EML6: variants seen among roughly 807,000 people sequenced by gnomAD.
EML6 encodes the protein echinoderm microtubule-associated protein-like 6.
In EML6, 154 loss-of-function variants were observed where a neutral mutation model predicts 240.1. The observed-to-expected ratio is 0.64, with a 90% CI of 0.56 to 0.73. EML6 has a LOEUF of 0.73. Ranked by LOEUF, EML6 falls within the 30% of genes least tolerant of loss-of-function variation. The pLI is 0.00. For synonymous variants in EML6, 1,148 were observed against 899.0 expected (o/e 1.28, Z -4.95); for missense variants, 2,964 against 2,474.6 (o/e 1.20, Z -4.20).
At chr2:54,737,380 C>T (rs7588695) in intron 2 of EML6, among the ~76,000 whole-genome samples, 24 of 152,034 alleles carry the variant, frequency 1.6e-4, no homozygotes, top group Admixed American at 3.3e-4. Context: ...CTCACTGCAA[C>T]CTCTGCCTCC....
In EML6 at chr2:54,858,682, G is replaced by A. The variant is rs1056491804; in HGVS notation, c.1658-852G>A. On this transcript the variant is annotated intron_variant, in intron 11 of 41. Transcript: ENST00000356458. Reference sequence around the variant, plus strand: ...AATGAGGCTTATCTGGTCAGAGCATGCTCTCAAAAAATGTATGAGCATGAC... The same window carrying A: ...AATGAGGCTTATCTGGTCAGAGCATACTCTCAAAAAATGTATGAGCATGAC... Among the ~76,000 whole-genome samples the A allele has an allele frequency of 2.6e-5, 4 of 152,312 alleles. No individual in the cohort carries two copies. In the East Asian group the frequency reaches 7.7e-4, roughly 29 times the overall value.
At chr2:54,823,298 G>A (rs894157106) in intron 5 of EML6, among the ~76,000 whole-genome samples, 5 of 152,152 alleles carry the variant, frequency 3.3e-5, no homozygotes, top group Admixed American at 6.5e-5. Context: ...GGTAGGAAGG[G>A]TCGGGAGGCA....
intron 19 of EML6, 127 bp from the exon 20 acceptor site, chr2:54,894,788 T>A: frequency 1.6e-6 from 1 of 613,928 alleles, no homozygotes; most frequent in South Asian, 2.0e-5. Flanking sequence ...ACCAGAGTTT[T>A]CCATCTCATA....
At chr2:54,855,082 G>A (rs1057062188) in intron 11 of EML6, among the ~76,000 whole-genome samples, 5 of 152,128 alleles carry the variant, frequency 3.3e-5, no homozygotes, top group African/African-American at 1.2e-4. Context: ...ATGGAAATGT[G>A]GATCTATTAG....
intron 12 of EML6, among the ~76,000 whole-genome samples, chr2:54,860,518 G>A (rs1184450271): frequency 6.6e-6 from 1 of 152,122 alleles, no homozygotes; most frequent in Admixed American, 6.5e-5. Flanking sequence ...CCAGCTGGCA[G>A]CCTAAGAAAC....
At chr2:54,792,224 C>T (rs1330889879) in intron 2 of EML6, among the ~76,000 whole-genome samples, 1 of 152,148 alleles carries the variant, frequency 6.6e-6, no homozygotes, top group Non-Finnish European at 1.5e-5. Flanking sequence ...TTGTGTTGGG[C>T]AGAATGAAAA....
At position 54,957,826 on chromosome 2, in the gene EML6, G is replaced by A. The variant is rs755850831; in HGVS notation, c.4523G>A (p.Arg1508His). The change falls in exon 33 of 42, where the codon CGC (arginine) becomes CAC (histidine). Residue 1508 changes from arginine to histidine, a missense_variant. Physicochemically the swap from Arg to His is conservative, Grantham distance 29. Coordinates refer to ENST00000356458, the MANE Select transcript of EML6 (RefSeq NM_001039753.4). Reference sequence around the variant, plus strand: ...GCCAGCCGAGGGGGTCACCTGGAGCGCATATTTGTGGTGGAATTTCGCCCC... The same window carrying A: ...GCCAGCCGAGGGGGTCACCTGGAGCACATATTTGTGGTGGAATTTCGCCCC... Reference protein sequence around the residue: ...KVASRGGHLERIFVVEFRPDS... With the variant: ...KVASRGGHLEHIFVVEFRPDS... The A allele has an allele frequency of 1.2e-5, 19 of 1,550,056 alleles. No individual in the cohort carries two copies. Among genetic ancestry groups the A allele is most frequent in the Non-Finnish European group, 1.6e-5 (18 of 1,146,988 alleles).
chr2:54,765,027 C>T (rs990852144), intron 2 of EML6, among the ~76,000 whole-genome samples: 5 of 152,174 alleles, frequency 3.3e-5, no homozygotes, highest in African/African-American at 1.2e-4. Flanking sequence ...TAAAATTTTT[C>T]CTCTCTTTTG....
intron 16 of EML6, among the ~76,000 whole-genome samples, chr2:54,871,819 C>A (rs1309644740): frequency 2.0e-5 from 3 of 152,244 alleles, no homozygotes; most frequent in South Asian, 2.1e-4. Flanking sequence ...AAAAATGTGG[C>A]CTTTAGATTA....
chr2:54,866,643 T>C, intron 13 of EML6, 123 bp from the exon 14 acceptor site: 2 of 523,788 alleles, frequency 3.8e-6, no homozygotes, highest in Non-Finnish European at 7.0e-6. Context: ...TTCATTCTCA[T>C]GTCTTAAGTT....
intron 8 of EML6, among the ~76,000 whole-genome samples, chr2:54,844,964 A>G (rs1465576253): frequency 2.6e-5 from 4 of 152,226 alleles, no homozygotes; most frequent in African/African-American, 9.6e-5. Flanking sequence ...AGCTTTAGAT[A>G]TGCTCAATGA....
At chr2:54,727,565 TTAC>T (rs1439528076) in intron 2 of EML6, among the ~76,000 whole-genome samples, 2 of 152,240 alleles carry the variant, frequency 1.3e-5, no homozygotes. Context: ...TGTATCCCGG[TTAC>T]TACTATTCTT....
At chr2:54,843,088 A>T (rs538547013) in intron 7 of EML6, among the ~76,000 whole-genome samples, 1 of 152,354 alleles carries the variant, frequency 6.6e-6, no homozygotes, top group African/African-American at 2.4e-5. Context: ...ACACAATGTT[A>T]TTCCTAAAGG....
chr2:54,727,080 A>G (rs1450892055), intron 2 of EML6, among the ~76,000 whole-genome samples: 1 of 152,248 alleles, frequency 6.6e-6, no homozygotes, highest in Non-Finnish European at 1.5e-5. Context: ...GTGGGATGTG[A>G]TGAAATCTAG....
intron 7 of EML6, among the ~76,000 whole-genome samples, chr2:54,834,137 G>C (rs766409079): frequency 6.6e-6 from 1 of 152,154 alleles, no homozygotes; most frequent in Non-Finnish European, 1.5e-5. Context: ...CACCCTGGAT[G>C]TAAGGCGGCG....
chr2:54,740,229 G>A (rs1683571000), intron 2 of EML6, among the ~76,000 whole-genome samples: 1 of 152,158 alleles, frequency 6.6e-6, no homozygotes, highest in Non-Finnish European at 1.5e-5. Context: ...AAGGTAGGGA[G>A]GAAAGAAAAG....
At chr2:54,797,167 A>AAAAAAAAAAAAAAAAAAAAC (rs1669839206) in intron 2 of EML6, among the ~76,000 whole-genome samples, 3 of 114,016 alleles carry the variant, frequency 2.6e-5, no homozygotes, top group Non-Finnish European at 5.9e-5. Context: ...TCCATCTCAA[A>AAAAAAAAAAAAAAAAAAAAC]AAAAAAAAAA....
intron 7 of EML6, among the ~76,000 whole-genome samples, chr2:54,831,559 T>A (rs528741757): frequency 1.8e-4 from 28 of 152,222 alleles, no homozygotes; most frequent in African/African-American, 6.5e-4. Flanking sequence ...CTTACCAAGA[T>A]CAAAGCACAT....
intron 6 of EML6, among the ~76,000 whole-genome samples, chr2:54,828,110 C>CGATG (rs1668685177): frequency 6.6e-6 from 1 of 152,120 alleles, no homozygotes; most frequent in Admixed American, 6.5e-5. Context: ...CATAGGTCTG[C>CGATG]GATGAAGTCG....
Sources: allele counts gnomAD v4.1 joint callset (sites outside exome capture counted in the v4.1 genomes callset), GRCh38; gene constraint gnomAD v4.1.1; transcripts MANE v1.5; gene names NCBI Gene and HGNC (gene_info 2026-07-23, HGNC 2026-07-21).